CA10: variants seen among roughly 807,000 people sequenced by gnomAD.
CA10 encodes carbonic anhydrase-related protein 10.
CA10 carries 14 observed loss-of-function variants against 44.2 expected under a neutral mutation model. That is an observed-to-expected ratio of 0.32 (90% CI 0.21 to 0.50). The LOEUF (loss-of-function observed/expected upper bound fraction) is 0.50, where lower values mean the gene tolerates loss of function less well. Ranked by LOEUF, CA10 falls within the 20% of genes least tolerant of loss-of-function variation. The pLI is 0.99. For missense variants in CA10, 350 were observed against 409.7 expected (o/e 0.85, Z 1.26); for synonymous variants, 159 against 141.6 (o/e 1.12, Z -0.87).
chr17:52,140,774 T>C (rs755940204), intron 1 of CA10, among the ~76,000 whole-genome samples: 9 of 152,134 alleles, frequency 5.9e-5, no homozygotes, highest in Non-Finnish European at 1.0e-4. Context: ...GAACCCACTC[T>C]CTCTGTGGCC....
chr17:51,931,065 T>C lies in CA10; in HGVS notation c.204A>G (p.Pro68=), dbSNP rs779515865. The change falls in exon 3 of 9, where the codon CCA becomes CCG. Residue 68 remains proline (P), a synonymous_variant. Transcript: ENST00000451037. ...NLCSVGKRQS[P]VNIETSHMIF... ...TCATGTGACTGGTCTCTATGTTGACTGGCGACTGCCGTTTCCCCACAGAGC... is the reference window on the plus strand; with the variant it reads ...TCATGTGACTGGTCTCTATGTTGACCGGCGACTGCCGTTTCCCCACAGAGC... 2 of 1,613,684 alleles carry C rather than the reference T, an allele frequency of 1.2e-6. No homozygotes were observed. Among genetic ancestry groups the C allele is most frequent in the South Asian group, 2.2e-5 (2 of 91,060 alleles).
At chr17:51,716,554 G>A (rs1417620980) in intron 4 of CA10, among the ~76,000 whole-genome samples, 1 of 152,140 alleles carries the variant, frequency 6.6e-6, no homozygotes, top group African/African-American at 2.4e-5. Context: ...GCCCCCCAGG[G>A]TTGAGCTCTG....
intron 2 of CA10, among the ~76,000 whole-genome samples, chr17:52,003,987 T>A (rs1225361414): frequency 6.6e-6 from 1 of 151,668 alleles, no homozygotes; most frequent in East Asian, 1.9e-4. Flanking sequence ...ATCTGTCTCT[T>A]ATGAGGACAA....
chr17:51,801,348 T>C (rs1906921717), intron 3 of CA10, among the ~76,000 whole-genome samples: 1 of 152,166 alleles, frequency 6.6e-6, no homozygotes, highest in Non-Finnish European at 1.5e-5. Flanking sequence ...CCTTGGGGAC[T>C]GGGGAGAATT....
intron 4 of CA10, among the ~76,000 whole-genome samples, chr17:51,717,820 T>TAC (rs1267848765): frequency 2.7e-4 from 13 of 47,392 alleles, no homozygotes; most frequent in African/African-American, 1.2e-3. Context: ...CACGTATATA[T>TAC]ATGTGTGTGT....
chr17:51,886,761 T>C (rs1396695919), intron 3 of CA10, among the ~76,000 whole-genome samples: 1 of 152,220 alleles, frequency 6.6e-6, no homozygotes, highest in African/African-American at 2.4e-5. Flanking sequence ...ATCCAATCTG[T>C]TGAAAGCTCA....
Position 51,631,599 on chromosome 17 carries a change from T to C in CA10, c.972A>G (p.Glu324=), listed in dbSNP as rs920948426. 2 of 1,612,802 alleles carry C rather than the reference T, an allele frequency of 1.2e-6. No individual in the cohort carries two copies. The highest frequency in any genetic ancestry group is 1.7e-6 in the Non-Finnish European group (2 of 1,179,030). Residue 324 remains glutamate, a synonymous_variant, in exon 9 of 9, where the codon GAA becomes GAG. Coordinates refer to ENST00000451037, the MANE Select transcript of CA10 (RefSeq NM_020178.5). ...RAQKLQYRVN[E]WLLK ...GCTTTGTTCCCTACTTGAGGAGCCATTCATTTACTGCAAAGAGAGAGAAAG... is the reference window on the plus strand; with the variant it reads ...GCTTTGTTCCCTACTTGAGGAGCCACTCATTTACTGCAAAGAGAGAGAAAG...
chr17:51,768,048 A>G (rs1432098267), intron 3 of CA10, among the ~76,000 whole-genome samples: 4 of 152,120 alleles, frequency 2.6e-5, no homozygotes, highest in Admixed American at 6.5e-5. Flanking sequence ...GGGATACTAC[A>G]TTGCATTTAG....
At chr17:51,850,471 A>G (rs1239452615) in intron 3 of CA10, among the ~76,000 whole-genome samples, 1 of 152,118 alleles carries the variant, frequency 6.6e-6, no homozygotes, top group Non-Finnish European at 1.5e-5. Flanking sequence ...GAACAGAATG[A>G]GATTTCTTGA....
At chr17:51,914,188 C>T (rs1388641364) in intron 3 of CA10, among the ~76,000 whole-genome samples, 1 of 152,078 alleles carries the variant, frequency 6.6e-6, no homozygotes, top group African/African-American at 2.4e-5. Context: ...AACACCCCAG[C>T]TGCAAAAACA....
At chr17:51,716,564 G>A (rs985126248) in intron 4 of CA10, among the ~76,000 whole-genome samples, 1 of 152,136 alleles carries the variant, frequency 6.6e-6, no homozygotes, top group Non-Finnish European at 1.5e-5. Flanking sequence ...GTTGAGCTCT[G>A]GTTGGAGTGG....
chr17:52,027,871 T>C (rs1025287728), intron 2 of CA10, among the ~76,000 whole-genome samples: 1 of 152,122 alleles, frequency 6.6e-6, no homozygotes, highest in Non-Finnish European at 1.5e-5. Context: ...GAGAAACAAG[T>C]AGGAGACAGA....
intron 2 of CA10, among the ~76,000 whole-genome samples, chr17:51,931,693 T>G (rs1339952405): frequency 2.0e-5 from 3 of 152,124 alleles, no homozygotes; most frequent in African/African-American, 7.2e-5. Context: ...TTTGTTTAGT[T>G]CAACACTGTG....
chr17:51,877,053 G>A (rs1454273202), intron 3 of CA10, among the ~76,000 whole-genome samples: 1 of 152,184 alleles, frequency 6.6e-6, no homozygotes, highest in African/African-American at 2.4e-5. Flanking sequence ...CTTTTAGGTT[G>A]CATGTGACTA....
chr17:51,867,060 C>A (rs1309679187), intron 3 of CA10, among the ~76,000 whole-genome samples: 1 of 151,898 alleles, frequency 6.6e-6, no homozygotes, highest in East Asian at 1.9e-4. Context: ...TGACATATTT[C>A]TTTGGCTCCC....
intron 3 of CA10, among the ~76,000 whole-genome samples, chr17:51,909,247 A>G (rs916003297): frequency 8.5e-5 from 13 of 152,276 alleles, no homozygotes; most frequent in Admixed American, 2.6e-4. Flanking sequence ...AGCAATACCA[A>G]AGATGACTGG....
intron 3 of CA10, among the ~76,000 whole-genome samples, chr17:51,928,958 C>A (rs1982541169): frequency 6.6e-6 from 1 of 152,136 alleles, no homozygotes; most frequent in Admixed American, 6.5e-5. Flanking sequence ...CTCAGCTCTT[C>A]AAACCACTGA....
rs150999719 is a variant in CA10, at chr17:51,696,960, A to G, written c.466-43224T>C. Among the ~76,000 whole-genome samples, 751 of 152,264 alleles carry G rather than the reference A, an allele frequency of 4.9e-3. 9 individuals carry two copies. Among genetic ancestry groups the G allele is most frequent in the African/African-American group, 0.017 (713 of 41,550 alleles). ...AGAGACATCCCATAGATTGATATGT[A>G]TATACATCTGTGTCTATGTGTTTTG... On this transcript the variant is annotated intron_variant, in intron 4 of 8. Transcript: ENST00000451037.
At chr17:52,082,850 A>T (rs1988019368) in intron 1 of CA10, among the ~76,000 whole-genome samples, 1 of 152,200 alleles carries the variant, frequency 6.6e-6, no homozygotes, top group Non-Finnish European at 1.5e-5. Flanking sequence ...TGAGATGGAC[A>T]TTTCATAGAA....
Sources: allele counts gnomAD v4.1 joint callset (sites outside exome capture counted in the v4.1 genomes callset), GRCh38; gene constraint gnomAD v4.1.1; transcripts MANE v1.5; gene names NCBI Gene and HGNC (gene_info 2026-07-23, HGNC 2026-07-21).